Variants in ACVR1 observed in about 807,000 individuals in gnomAD.
ACVR1 encodes the protein activin receptor type-1.
In ACVR1, 38 loss-of-function variants were observed where a neutral mutation model predicts 57.1. That is an observed-to-expected ratio of 0.67 (90% CI 0.51 to 0.87). The LOEUF (loss-of-function observed/expected upper bound fraction) is 0.87, where lower values mean the gene tolerates loss of function less well. Among genes scored for constraint, ACVR1 ranks in the 40% least tolerant of loss-of-function variants. ACVR1 has a pLI of 0.00. For synonymous variants in ACVR1, 212 were observed against 228.1 expected, an observed-to-expected ratio of 0.93 and a Z score of 0.63; for missense variants, 463 against 638.2, an observed-to-expected ratio of 0.73 and a Z score of 2.96.
At chr2:157,781,860 G>C (rs1686536556) in intron 3 of ACVR1, among the ~76,000 whole-genome samples, 1 of 152,194 alleles carries the variant, frequency 6.6e-6, no homozygotes, top group Non-Finnish European at 1.5e-5. Flanking sequence ...CCAAGTCCTA[G>C]AGGCCACTGA....
At chr2:157,784,742 C>T (rs1686653025) in intron 3 of ACVR1, among the ~76,000 whole-genome samples, 1 of 152,228 alleles carries the variant, frequency 6.6e-6, no homozygotes, top group Admixed American at 6.5e-5. Flanking sequence ...CTGGGAATCC[C>T]AGGAGTTCAC....
In ACVR1 at chr2:157,824,240, G is replaced by A. The variant is rs1426443325; in HGVS notation, c.-182-5681C>T. Among the ~76,000 whole-genome samples the A allele has an allele frequency of 3.9e-5, 6 of 152,280 alleles. No homozygotes were observed. The East Asian group carries it at 1.2e-3, about 29-fold the overall frequency. ...CCCTGCACACTGGAAGGCCAAGATA[G>A]GAGGATTGCTTGAGCCCAGGAGTTG... On this transcript the variant is annotated intron_variant, in intron 1 of 10. Coordinates refer to ENST00000434821, the MANE Select transcript of ACVR1 (RefSeq NM_001111067.4).
rs1686373374 is a variant in ACVR1, at chr2:157,778,316, AATTCTGTGTTCCAGGGAAGG to A, written c.338_357del (p.Ser113PhefsTer31). 6.2e-7 allele frequency: 1 copy of A among 1,613,924 alleles called. No individual in the cohort carries two copies. Among genetic ancestry groups the A allele is most frequent in the African/African-American group, 1.3e-5 (1 of 74,924 alleles). On this transcript the variant is annotated frameshift_variant, in exon 5 of 11. Coordinates refer to ENST00000434821, the MANE Select transcript of ACVR1 (RefSeq NM_001111067.4). LOFTEE classifies it high-confidence loss of function. ...ATAATGAGGCCAACCTCCAAGTGGA[AATTCTGTGTTCCAGGGAAGG>A]ATTTTCCTGGAGTTGGAGGGAAAAG...
intron 3 of ACVR1, among the ~76,000 whole-genome samples, chr2:157,797,440 T>G (rs1043459690): frequency 2.0e-5 from 3 of 152,154 alleles, no homozygotes; most frequent in Non-Finnish European, 4.4e-5. Flanking sequence ...GAGGTTGAGA[T>G]TCCTACAATA....
Position 157,846,079 on chromosome 2 carries a change from G to A in ACVR1, c.-182-27520C>T, listed in dbSNP as rs1484988212. On this transcript the variant is annotated intron_variant, in intron 1 of 10. Transcript: ENST00000434821. ...CTTTGCAGATGTGATTAAATTAAGA[G>A]TTTTGAGATGAGGCGATTATCCTGG... Among the ~76,000 whole-genome samples the A allele has an allele frequency of 3.3e-5, 5 of 152,172 alleles. No homozygotes were observed. In the East Asian group the frequency reaches 9.6e-4, roughly 29 times the overall value.
intron 1 of ACVR1, chr2:157,860,126 A>C (rs1464840788): frequency 6.6e-6 from 1 of 152,204 alleles, no homozygotes; most frequent in Non-Finnish European, 1.5e-5. Flanking sequence ...TTTGGGGACC[A>C]GTCCATGAAA....
At chr2:157,761,107 A>G in intron 8 of ACVR1, 30 bp from the exon 9 acceptor site, 2 of 1,610,182 alleles carry the variant, frequency 1.2e-6, no homozygotes, top group South Asian at 1.1e-5. Flanking sequence ...AATGTAATCA[A>G]CCCACTTCCT....
intron 1 of ACVR1, among the ~76,000 whole-genome samples, chr2:157,835,374 G>C (rs1224476211): frequency 6.6e-6 from 1 of 152,146 alleles, no homozygotes; most frequent in Non-Finnish European, 1.5e-5. Context: ...AGAATTAAAT[G>C]AGTTAATATA....
intron 2 of ACVR1, among the ~76,000 whole-genome samples, chr2:157,805,148 T>C (rs562854973): frequency 2.8e-4 from 42 of 152,208 alleles, no homozygotes; most frequent in Non-Finnish European, 5.9e-4. Flanking sequence ...GACTTATGGG[T>C]AGCATACAGT....
chr2:157,771,300 T>C (rs1312028908), intron 6 of ACVR1, among the ~76,000 whole-genome samples: 2 of 152,228 alleles, frequency 1.3e-5, no homozygotes, highest in Non-Finnish European at 2.9e-5. Flanking sequence ...AGAATACATT[T>C]TGGAAAACGT....
Position 157,872,527 on chromosome 2 carries a change from G to A in ACVR1, c.-183+3269C>T, listed in dbSNP as rs374346774. On this transcript the variant is annotated intron_variant, in intron 1 of 10. Coordinates refer to ENST00000434821, the MANE Select transcript of ACVR1 (RefSeq NM_001111067.4). Reference sequence around the variant, plus strand: ...TCACTGCAGCCCACACTATTTAGTTGCAATATTGGAAAGGAGAGTAGAAGC... The same window carrying A: ...TCACTGCAGCCCACACTATTTAGTTACAATATTGGAAAGGAGAGTAGAAGC... 3.3e-5 allele frequency among the ~76,000 whole-genome samples: 5 copies of A among 152,270 alleles called. No homozygotes were observed. The East Asian group carries it at 9.6e-4, about 29-fold the overall frequency.
intron 2 of ACVR1, among the ~76,000 whole-genome samples, chr2:157,804,495 G>C (rs151007707): frequency 3.7e-4 from 57 of 152,282 alleles, no homozygotes; most frequent in African/African-American, 1.3e-3. Context: ...CTTGTGCAAG[G>C]CTGTAATGCC....
At chr2:157,866,264 A>G (rs1047567821) in intron 1 of ACVR1, among the ~76,000 whole-genome samples, 3 of 152,188 alleles carry the variant, frequency 2.0e-5, no homozygotes, top group African/African-American at 7.2e-5. Context: ...GAAGATTTCC[A>G]TGTACAACAC....
At chr2:157,765,826 T>A in intron 8 of ACVR1, 95 bp downstream of exon 8, 1 of 1,327,028 alleles carries the variant, frequency 7.5e-7, no homozygotes, top group Non-Finnish European at 1.1e-6. Context: ...ATGTTTGAAA[T>A]TTTGCATAAC....
chr2:157,829,438 T>C (rs560441382), intron 1 of ACVR1, among the ~76,000 whole-genome samples: 1 of 152,294 alleles, frequency 6.6e-6, no homozygotes, highest in Admixed American at 6.5e-5. Context: ...ATCCCTGCCA[T>C]GAGTGTAGTA....
chr2:157,788,201 C>G (rs1379220895), intron 3 of ACVR1, among the ~76,000 whole-genome samples: 1 of 152,184 alleles, frequency 6.6e-6, no homozygotes, highest in Non-Finnish European at 1.5e-5. Context: ...AAGTAACTTC[C>G]AGACTACAGT....
intron 9 of ACVR1, among the ~76,000 whole-genome samples, chr2:157,748,473 G>A (rs1194642855): frequency 6.6e-6 from 1 of 152,134 alleles, no homozygotes; most frequent in Non-Finnish European, 1.5e-5. Context: ...AGGAAATGAA[G>A]CTGACGTGCA....
intron 1 of ACVR1, among the ~76,000 whole-genome samples, chr2:157,844,115 T>C (rs1271766776): frequency 1.3e-5 from 2 of 152,174 alleles, no homozygotes; most frequent in African/African-American, 4.8e-5. Flanking sequence ...GAAACCATCA[T>C]CTCCTTATGG....
chr2:157,828,993 C>T (rs1440672197), intron 1 of ACVR1, among the ~76,000 whole-genome samples: 8 of 152,140 alleles, frequency 5.3e-5, no homozygotes, highest in Non-Finnish European at 1.2e-4. Flanking sequence ...GTCTCGAACT[C>T]CTGACCTCAA....
Sources: gnomAD v4.1 joint callset for allele counts (sites outside exome capture counted in the v4.1 genomes callset) on GRCh38, gnomAD v4.1.1 for gene constraint, MANE v1.5 for transcripts, NCBI Gene and HGNC (gene_info 2026-07-23, HGNC 2026-07-21) for gene names.